The following HMCN2 variants were observed in gnomAD, a reference collection of about 807,000 sequenced individuals.
HMCN2 encodes the protein hemicentin 2.
Under a neutral mutation model 377.5 loss-of-function variants are expected in HMCN2, and 325 were observed. The ratio of observed to expected loss-of-function variants is 0.86; its 90% CI spans 0.79 to 0.94. HMCN2 has a LOEUF of 0.94. HMCN2 is among the 40% of genes least tolerant of loss of function. The pLI, the probability that HMCN2 is intolerant of heterozygous loss-of-function variation, is 0.00. For synonymous variants in HMCN2, 2,007 were observed against 2,046.8 expected (o/e 0.98, Z 0.53); for missense variants, 4,543 against 4,725.3 (o/e 0.96, Z 1.13).
Position 130,364,739 on chromosome 9 carries a change from GC to G in HMCN2, c.6259del (p.Leu2087Ter). The G allele has an allele frequency of 1.0e-6, 1 of 986,008 alleles. No individual in the cohort carries two copies. Among genetic ancestry groups the G allele is most frequent in the Non-Finnish European group, 1.2e-6 (1 of 830,074 alleles). 61.1% of individuals were successfully genotyped at this position (986,008 alleles called of 1,614,324 possible). Reference sequence around the variant, plus strand: ...TGCCCCCGAGTATCCTTGGAGAAGAGCTGAATGTGTCCGTTGTGGCCAATGA... The same window carrying G: ...TGCCCCCGAGTATCCTTGGAGAAGAGTGAATGTGTCCGTTGTGGCCAATGA... ...HMPPSILGEE[L>X]NVSVVANESV... On this transcript the variant is annotated frameshift_variant, in exon 41 of 98. Transcript: ENST00000683500. LOFTEE classifies it high-confidence loss of function.
chr9:130,309,927 T>C lies in HMCN2; in HGVS notation c.2216T>C (p.Ile739Thr). The C allele has an allele frequency of 1.9e-6, 1 of 513,854 alleles. No homozygotes were observed. Among genetic ancestry groups the C allele is most frequent in the African/African-American group, 1.9e-5 (1 of 51,626 alleles). The allele number at this position is 513,854 out of a possible 1,614,324, so 31.8% of individuals were successfully genotyped here. Reference protein sequence around the residue: ...VIWYRGGLEMILAPEGSSSGK... With the variant: ...VIWYRGGLEMTLAPEGSSSGK... ...TTTGGTCCAGGGGGTCTTGAAATGATCCTGGCCCCTGAGGGCTCCAGCTCT... is the reference window on the plus strand; with the variant it reads ...TTTGGTCCAGGGGGTCTTGAAATGACCCTGGCCCCTGAGGGCTCCAGCTCT... The change falls in exon 15 of 98, where the codon ATC becomes ACC. Residue 739 changes from isoleucine (I) to threonine (T), a missense_variant. Physicochemically the swap from Ile to Thr is moderately conservative, Grantham distance 89 (BLOSUM62 -1). Transcript: ENST00000683500.
At chr9:130,386,623 C>A in intron 61 of HMCN2, 99 bp downstream of exon 61, 1 of 632,646 alleles carries the variant, frequency 1.6e-6, no homozygotes, top group Non-Finnish European at 2.4e-6. Context: ...AGAGGCAGTG[C>A]TGCCAAGTGC....
chr9:130,315,173 CCTT>C (rs1837465948), intron 15 of HMCN2, among the ~76,000 whole-genome samples: 1 of 116,574 alleles, frequency 8.6e-6, no homozygotes, highest in Non-Finnish European at 1.8e-5. Context: ...TAGACGAGCT[CCTT>C]CCTCCCTTCC....
At chr9:130,421,080 A>C (rs897053371) in intron 86 of HMCN2, among the ~76,000 whole-genome samples, 1 of 152,186 alleles carries the variant, frequency 6.6e-6, no homozygotes, top group African/African-American at 2.4e-5. Context: ...CTCTGGATAG[A>C]GGAGATACAC....
At chr9:130,345,418 T>C (rs1336820218) in intron 25 of HMCN2, among the ~76,000 whole-genome samples, 1 of 150,058 alleles carries the variant, frequency 6.7e-6, no homozygotes, top group Non-Finnish European at 1.5e-5. Flanking sequence ...TGTATGTTGG[T>C]GTGTGGTGTG....
chr9:130,312,436 C>G (rs1479753501), intron 15 of HMCN2, among the ~76,000 whole-genome samples: 7 of 150,318 alleles, frequency 4.7e-5, no homozygotes, highest in Non-Finnish European at 8.9e-5. Flanking sequence ...TGCTCAGCAT[C>G]TGACTTATTT....
intron 54 of HMCN2, among the ~76,000 whole-genome samples, chr9:130,381,020 C>T (rs554018256): frequency 6.6e-6 from 1 of 152,202 alleles, no homozygotes; most frequent in African/African-American, 2.4e-5. Context: ...CCACAGCCAC[C>T]AACTGCCCCC....
rs1420762797 is a variant in HMCN2 at position 130,424,824 on chromosome 9, C to T, written c.13430C>T (p.Ala4477Val). The T allele has an allele frequency of 2.6e-6, 4 of 1,527,012 alleles. No homozygotes were observed. In the South Asian group the frequency reaches 3.7e-5, roughly 14 times the overall value. The allele number at this position is 1,527,012 out of a possible 1,614,324, so 94.6% of individuals were successfully genotyped here. A position where few individuals can be genotyped will look rare whatever the true frequency, so the allele number is the denominator to read the frequency against. Residue 4477 changes from alanine (A) to valine (V), a missense_variant, in exon 88 of 98, where the codon GCC becomes GTC. Physicochemically the swap from Ala to Val is moderately conservative, Grantham distance 64 (BLOSUM62 0). Around this residue, in one of 5 missense-constraint regions of HMCN2, gnomAD observed 1,155 missense variants for 1,157.7 expected, o/e 1.00. Coordinates refer to ENST00000683500, the MANE Select transcript of HMCN2 (RefSeq NM_001291815.2). ...LVVTIAPIYW[A>V]LARESGEALN... ...GTCACCATCGCCCCCATCTACTGGGCCCTGGCCAGAGAGAGTGGGGAAGCC... is the reference window on the plus strand; with the variant it reads ...GTCACCATCGCCCCCATCTACTGGGTCCTGGCCAGAGAGAGTGGGGAAGCC...
intron 11 of HMCN2, among the ~76,000 whole-genome samples, chr9:130,305,666 TG>T (rs1836809774): frequency 6.6e-6 from 1 of 152,190 alleles, no homozygotes; most frequent in Admixed American, 6.5e-5. Flanking sequence ...TGTTTCTGGA[TG>T]CGCGGGCCTG....
chr9:130,358,730 G>A (rs1191998597), intron 36 of HMCN2, among the ~76,000 whole-genome samples: 4 of 151,752 alleles, frequency 2.6e-5, no homozygotes, highest in African/African-American at 9.7e-5. Flanking sequence ...CTGGAGTGCA[G>A]TGGCACTATC....
At chr9:130,312,501 T>TTCTCTCTC (rs1468233086) in intron 15 of HMCN2, among the ~76,000 whole-genome samples, 6 of 22,102 alleles carry the variant, frequency 2.7e-4, no homozygotes, top group African/African-American at 6.5e-4. Flanking sequence ...CTCTCTTTCT[T>TTCTCTCTC]TCTGTCCCTC....
At chr9:130,431,277 C>T (rs538444602) in intron 95 of HMCN2, 90 bp from the exon 96 acceptor site, 116 of 1,297,804 alleles carry the variant, frequency 8.9e-5, no homozygotes, top group African/African-American at 8.7e-4. Flanking sequence ...CAGAGCCCAG[C>T]GGGCAGGTGT....
chr9:130,417,258 A>G (rs1187717524), intron 85 of HMCN2, among the ~76,000 whole-genome samples: 1 of 152,044 alleles, frequency 6.6e-6, no homozygotes, highest in African/African-American at 2.4e-5. Flanking sequence ...ATGGTCGCTC[A>G]TGACTATAAT....
chr9:130,285,165 G>A lies in HMCN2; in HGVS notation c.338G>A (p.Gly113Asp). ...ELRELYVQGG[G>D]DCPEMSVGAI... ...CATGCTTCTGCCCTCCAGGGAGGTG[G>A]TGACTGCCCGGAGATGAGTGTGGGG... Residue 113 changes from glycine (G) to aspartate (D), a missense_variant, in exon 3 of 98, where the codon GGT becomes GAT. Gly to Asp is a moderately conservative substitution (Grantham distance 94). Coordinates refer to ENST00000683500, the MANE Select transcript of HMCN2 (RefSeq NM_001291815.2). 2 of 471,106 alleles carry A rather than the reference G, an allele frequency of 4.2e-6. No individual in the cohort carries two copies. Among genetic ancestry groups the A allele is most frequent in the Non-Finnish European group, 8.8e-6 (2 of 227,014 alleles). The allele number at this position is 471,106 out of a possible 1,614,324, so 29.2% of individuals were successfully genotyped here.
At chr9:130,339,780 G>A (rs1439434824) in intron 23 of HMCN2, among the ~76,000 whole-genome samples, 1 of 152,220 alleles carries the variant, frequency 6.6e-6, no homozygotes, top group Non-Finnish European at 1.5e-5. Context: ...TGGGCTAAGG[G>A]GTTGGTCTCC....
intron 8 of HMCN2, among the ~76,000 whole-genome samples, chr9:130,300,080 C>A (rs1836418355): frequency 6.6e-6 from 1 of 151,998 alleles, no homozygotes; most frequent in South Asian, 2.1e-4. Flanking sequence ...TCCACTCACC[C>A]ATCCACTCAC....
In HMCN2 at chr9:130,393,733, C is replaced by T; in HGVS notation, c.10235-9C>T. ...AAATGGTTCCTGCCCACCTTTCTGC[C>T]CTCCATAGTGCCCCCTGTCCTGGAG... On this transcript the variant is annotated splice_polypyrimidine_tract_variant and intron_variant, in intron 67 of 97. Transcript: ENST00000683500. This position sits in a 1 kb window ranked among gnomAD's most constrained non-coding sequence, Gnocchi z 5.2. 8.1e-7 allele frequency: 1 copy of T among 1,231,236 alleles called. No individual in the cohort carries two copies. 76.3% of individuals were successfully genotyped at this position (1,231,236 alleles called of 1,614,324 possible). A position where few individuals can be genotyped will look rare whatever the true frequency, so the allele number is the denominator to read the frequency against.
At chr9:130,338,713 C>G (rs1838892743) in intron 23 of HMCN2, 1 of 152,240 alleles carries the variant, frequency 6.6e-6, no homozygotes, top group Admixed American at 6.5e-5. Flanking sequence ...CGCTCGTCAT[C>G]CGAAAGAACC....
rs1564848655 is a variant in HMCN2 at position 130,393,014 on chromosome 9, A to AAGAAAAAG, written c.10137-194_10137-187dup. Among the ~76,000 whole-genome samples the AAGAAAAAG allele has an allele frequency of 6.6e-6, 1 of 151,896 alleles. No individual in the cohort carries two copies. The highest frequency in any genetic ancestry group is 1.5e-5 in the Non-Finnish European group (1 of 67,972). ...CCATCTCACCATCTCAAAAAAAAAA[A>AAGAAAAAG]AGAAAAAGAGAGAGTTTAAGCAAAG... On this transcript the variant is annotated intron_variant, in intron 66 of 97. Coordinates refer to ENST00000683500, the MANE Select transcript of HMCN2 (RefSeq NM_001291815.2). The surrounding 1 kb of genome is among the most constrained non-coding windows in gnomAD (Gnocchi z 5.2).
Sources: allele counts gnomAD v4.1 joint callset (sites outside exome capture counted in the v4.1 genomes callset), GRCh38; gene constraint gnomAD v4.1.1; regional missense constraint gnomAD v4.1.1; non-coding constraint Gnocchi (gnomAD v3.1); transcripts MANE v1.5; gene names NCBI Gene and HGNC (gene_info 2026-07-23, HGNC 2026-07-21).